Variants in PRKCE observed in about 807,000 individuals in gnomAD.
The protein encoded by PRKCE is protein kinase C epsilon.
A neutral mutation model predicts 85.4 loss-of-function variants in PRKCE; 16 were observed. The ratio of observed to expected loss-of-function variants is 0.19; its 90% CI spans 0.13 to 0.28. PRKCE has a LOEUF of 0.28. Among genes scored for constraint, PRKCE ranks in the 10% least tolerant of loss-of-function variants. PRKCE has a pLI of 1.00. For synonymous variants in PRKCE, 388 were observed against 371.5 expected (o/e 1.04, Z -0.51); for missense variants, 573 against 975.2 (o/e 0.59, Z 5.49).
chr2:45,741,616 G>A (rs772109964), intron 1 of PRKCE, among the ~76,000 whole-genome samples: 1 of 152,262 alleles, frequency 6.6e-6, no homozygotes, highest in Non-Finnish European at 1.5e-5. Context: ...CAGCCTGGCA[G>A]ATGGGCATGT....
chr2:45,820,092 T>C (rs1689399892), intron 1 of PRKCE, among the ~76,000 whole-genome samples: 1 of 152,174 alleles, frequency 6.6e-6, no homozygotes, highest in African/African-American at 2.4e-5. Context: ...TGGGTTGGAC[T>C]GAAGGGGCGA....
At chr2:45,941,641 G>T (rs1323457214) in intron 2 of PRKCE, among the ~76,000 whole-genome samples, 1 of 152,188 alleles carries the variant, frequency 6.6e-6, no homozygotes, top group Non-Finnish European at 1.5e-5. Context: ...AATTCCATCT[G>T]TTGAGGGACT....
At chr2:45,817,177 AC>A (rs1317996239) in intron 1 of PRKCE, among the ~76,000 whole-genome samples, 1 of 148,614 alleles carries the variant, frequency 6.7e-6, no homozygotes. Flanking sequence ...CCTGCCTGCA[AC>A]CCTAGGCCTT....
chr2:46,071,183 A>G (rs950861975), intron 10 of PRKCE, among the ~76,000 whole-genome samples: 8 of 152,202 alleles, frequency 5.3e-5, no homozygotes, highest in Non-Finnish European at 1.0e-4. Context: ...TCCAAATAAT[A>G]AAATACCATC....
intron 1 of PRKCE, among the ~76,000 whole-genome samples, chr2:45,796,114 C>T (rs1687414883): frequency 6.6e-6 from 1 of 152,208 alleles, no homozygotes; most frequent in Non-Finnish European, 1.5e-5. Context: ...CTTCCCTGCT[C>T]TACTTGCTGA....
intron 10 of PRKCE, among the ~76,000 whole-genome samples, chr2:46,076,676 G>A (rs780977929): frequency 6.6e-6 from 1 of 152,172 alleles, no homozygotes; most frequent in African/African-American, 2.4e-5. Flanking sequence ...TTGGCCAACT[G>A]TGATTGAATT....
At chr2:45,944,557 C>G (rs1700102559) in intron 2 of PRKCE, among the ~76,000 whole-genome samples, 1 of 151,900 alleles carries the variant, frequency 6.6e-6, no homozygotes, top group Non-Finnish European at 1.5e-5. Flanking sequence ...GATGTGATCT[C>G]AGCTCACTGC....
chr2:46,098,645 A>G (rs1034816011), intron 11 of PRKCE, among the ~76,000 whole-genome samples: 1 of 152,158 alleles, frequency 6.6e-6, no homozygotes, highest in Non-Finnish European at 1.5e-5. Flanking sequence ...TTATTTTATG[A>G]CTATGCTGTG....
At chr2:46,086,147 C>T in intron 10 of PRKCE, 61 bp from the exon 11 acceptor site, 1 of 1,550,924 alleles carries the variant, frequency 6.4e-7, no homozygotes, top group Non-Finnish European at 8.7e-7. Context: ...TCACACTAAG[C>T]TGGCCTGTGT....
intron 10 of PRKCE, among the ~76,000 whole-genome samples, chr2:46,070,034 T>C (rs1161538018): frequency 6.6e-6 from 1 of 152,224 alleles, no homozygotes; most frequent in Non-Finnish European, 1.5e-5. Flanking sequence ...GTGTTTCTTT[T>C]CCTGCTCAGA....
intron 9 of PRKCE, among the ~76,000 whole-genome samples, chr2:46,008,734 T>C (rs1011178160): frequency 3.3e-5 from 5 of 152,186 alleles, no homozygotes. Context: ...CTTTAGAGAC[T>C]GACTAAATAA....
chr2:45,665,031 G>GA (rs1252583496), intron 1 of PRKCE, among the ~76,000 whole-genome samples: 2 of 152,212 alleles, frequency 1.3e-5, no homozygotes, highest in Non-Finnish European at 1.5e-5. Context: ...CACGATGTTG[G>GA]AATTGCTAAA....
At chr2:45,817,674 A>G (rs1395151613) in intron 1 of PRKCE, among the ~76,000 whole-genome samples, 2 of 152,178 alleles carry the variant, frequency 1.3e-5, no homozygotes, top group African/African-American at 2.4e-5. Context: ...AGCCTGGGCA[A>G]CAGAGCGAGA....
At chr2:45,830,504 A>G (rs181413490) in intron 1 of PRKCE, among the ~76,000 whole-genome samples, 119 of 152,238 alleles carry the variant, frequency 7.8e-4, no homozygotes, top group Non-Finnish European at 1.5e-3. Flanking sequence ...ACATAGTAAG[A>G]GACATAAGGA....
At chr2:45,806,773 C>T (rs768090042) in intron 1 of PRKCE, among the ~76,000 whole-genome samples, 5 of 152,092 alleles carry the variant, frequency 3.3e-5, no homozygotes, top group African/African-American at 4.8e-5. Context: ...GGGAGGACCC[C>T]GGGGTGGGTG....
intron 1 of PRKCE, chr2:45,686,236 A>G (rs1384476347): frequency 1.3e-5 from 2 of 152,158 alleles, no homozygotes; most frequent in African/African-American, 4.8e-5. Flanking sequence ...TGTTTCACCT[A>G]AATCCCAGAG....
At chr2:45,875,816 C>A (rs1694434294) in intron 2 of PRKCE, among the ~76,000 whole-genome samples, 1 of 152,214 alleles carries the variant, frequency 6.6e-6, no homozygotes, top group Admixed American at 6.5e-5. Context: ...GTAAACTCAT[C>A]ACAGACGTTT....
Position 46,159,959 on chromosome 2 carries a change from C to A in PRKCE, c.2067+207C>A. The A allele has an allele frequency of 1.9e-6, 1 of 532,162 alleles. No individual in the cohort carries two copies. The highest frequency in any genetic ancestry group is 3.2e-6 in the Non-Finnish European group (1 of 314,488). 33.0% of individuals were successfully genotyped at this position (532,162 alleles called of 1,614,324 possible). A position where few individuals can be genotyped will look rare whatever the true frequency, so the allele number is the denominator to read the frequency against. On this transcript the variant is annotated intron_variant, in intron 14 of 14. Transcript: ENST00000306156. This position sits in a 1 kb window ranked among gnomAD's most constrained non-coding sequence, Gnocchi z 4.1. ...AAACATGTAACCTACTACAGCAGCA[C>A]CCAAGATGATGATTTACGTGGGCCA...
intron 10 of PRKCE, among the ~76,000 whole-genome samples, chr2:46,056,241 CT>C (rs796683208): frequency 0.019 from 2,703 of 143,716 alleles, 33 homozygotes; most frequent in South Asian, 0.06. Flanking sequence ...GTTCTTGAAC[CT>C]TTTTTTTTTT....
Sources: allele counts gnomAD v4.1 joint callset (sites outside exome capture counted in the v4.1 genomes callset), GRCh38; gene constraint gnomAD v4.1.1; non-coding constraint Gnocchi (gnomAD v3.1); transcripts MANE v1.5; gene names NCBI Gene and HGNC (gene_info 2026-07-23, HGNC 2026-07-21).